Variants in KIAA1328 observed in about 807,000 individuals in gnomAD.
The protein encoded by KIAA1328 is protein hinderin.
KIAA1328 carries 52 observed loss-of-function variants against 68.1 expected under a neutral mutation model. The ratio of observed to expected loss-of-function variants is 0.76; its 90% confidence interval spans 0.61 to 0.96. The LOEUF is 0.96. Ranked by LOEUF, KIAA1328 falls within the 40% of genes least tolerant of loss-of-function variation. The pLI is 0.00. For missense variants in KIAA1328, 641 were observed against 677.6 expected, an observed-to-expected ratio of 0.95 and a Z score of 0.60; for synonymous variants, 232 against 239.4, an observed-to-expected ratio of 0.97 and a Z score of 0.28.
At chr18:37,095,498 A>G (rs2057379557) in intron 7 of KIAA1328, among the ~76,000 whole-genome samples, 1 of 152,210 alleles carries the variant, frequency 6.6e-6, no homozygotes, top group East Asian at 1.9e-4. Flanking sequence ...TCAATGAGGA[A>G]ATTAAGAAGG....
chr18:36,877,895 C>G (rs2048191576), intron 4 of KIAA1328, among the ~76,000 whole-genome samples: 1 of 151,940 alleles, frequency 6.6e-6, no homozygotes, highest in African/African-American at 2.4e-5. Flanking sequence ...TCTCGATCTC[C>G]TGACCTTGCG....
chr18:36,842,582 A>C (rs766863125), intron 3 of KIAA1328, among the ~76,000 whole-genome samples: 3 of 152,126 alleles, frequency 2.0e-5, no homozygotes, highest in Admixed American at 6.6e-5. Flanking sequence ...TCATTGTATC[A>C]ATATGCCAGC....
chr18:36,880,760 TC>T (rs1306479957), intron 4 of KIAA1328, among the ~76,000 whole-genome samples: 1 of 152,178 alleles, frequency 6.6e-6, no homozygotes, highest in East Asian at 1.9e-4. Context: ...TTTCTCCTGT[TC>T]CTAGGTTGTT....
In KIAA1328 at chr18:36,957,867, A is replaced by G. The variant is rs148352572; in HGVS notation, c.449-1441A>G. 2.9e-3 allele frequency among the ~76,000 whole-genome samples: 443 copies of G among 152,258 alleles called. 4 individuals carry two copies. The highest frequency in any genetic ancestry group is 0.019 in the Admixed American group (289 of 15,292). On this transcript the variant is annotated intron_variant, in intron 5 of 9. Transcript: ENST00000280020. ...ACTATATAATTAAATGGTTTTGAGT[A>G]TATTCCAAAAATGTGCAAACACCAC...
In KIAA1328 at chr18:37,064,656, A is replaced by G. The variant is rs546482351; in HGVS notation, c.577-2234A>G. ...TAAGGCTCTCGAGAGGGGGAAATTA[A>G]CTGTATTACCCAGGTAGGCCCAATC... On this transcript the variant is annotated intron_variant, in intron 6 of 9. Transcript: ENST00000280020. Among the ~76,000 whole-genome samples the G allele has an allele frequency of 1.4e-4, 21 of 151,806 alleles. 1 individual carries two copies. The South Asian group carries it at 4.2e-3, about 30-fold the overall frequency.
chr18:37,194,721 C>T (rs561656256), intron 9 of KIAA1328, among the ~76,000 whole-genome samples: 43 of 152,224 alleles, frequency 2.8e-4, no homozygotes, highest in African/African-American at 8.9e-4. Flanking sequence ...AGTGCAGTGG[C>T]GGGATCTCGG....
At chr18:36,897,531 T>C (rs1173745260) in intron 5 of KIAA1328, among the ~76,000 whole-genome samples, 1 of 151,592 alleles carries the variant, frequency 6.6e-6, no homozygotes, top group Non-Finnish European at 1.5e-5. Context: ...GAAATGGAGG[T>C]TGGATATAGT....
intron 6 of KIAA1328, among the ~76,000 whole-genome samples, chr18:37,060,680 T>C (rs1346900887): frequency 6.6e-6 from 1 of 152,234 alleles, no homozygotes; most frequent in Non-Finnish European, 1.5e-5. Context: ...TCATTACTTT[T>C]AATGGCAAAA....
chr18:36,945,901 A>C (rs2050881925), intron 5 of KIAA1328, among the ~76,000 whole-genome samples: 1 of 152,342 alleles, frequency 6.6e-6, no homozygotes, highest in South Asian at 2.1e-4. Flanking sequence ...AATATCCTGT[A>C]TCCAAAATTC....
At chr18:36,995,455 T>C (rs745657954) in intron 6 of KIAA1328, among the ~76,000 whole-genome samples, 12 of 152,160 alleles carry the variant, frequency 7.9e-5, no homozygotes, top group Non-Finnish European at 1.3e-4. Context: ...ACATTCAAAG[T>C]TTTGTTGGTA....
intron 7 of KIAA1328, among the ~76,000 whole-genome samples, chr18:37,111,902 G>T (rs1224854602): frequency 1.3e-5 from 2 of 152,200 alleles, no homozygotes; most frequent in Non-Finnish European, 2.9e-5. Flanking sequence ...AGGGTCCCAT[G>T]CCCACAGAGC....
At chr18:36,951,895 T>A (rs1245945368) in intron 5 of KIAA1328, among the ~76,000 whole-genome samples, 1 of 152,242 alleles carries the variant, frequency 6.6e-6, no homozygotes, top group Non-Finnish European at 1.5e-5. Flanking sequence ...TGGTTGCTTT[T>A]ATTCTAGTCT....
chr18:36,943,652 T>G lies in KIAA1328; in HGVS notation c.449-15656T>G, dbSNP rs540088652. ...TAGATAGAACTAGAAAACAAGTCAT[T>G]TGGGTGTTGGAAAACTGAATAATAC... On this transcript the variant is annotated intron_variant, in intron 5 of 9. Coordinates refer to ENST00000280020, the MANE Select transcript of KIAA1328 (RefSeq NM_020776.3). 3.3e-5 allele frequency among the ~76,000 whole-genome samples: 5 copies of G among 152,262 alleles called. No individual in the cohort carries two copies. The East Asian group carries it at 9.6e-4, about 29-fold the overall frequency.
intron 6 of KIAA1328, among the ~76,000 whole-genome samples, chr18:37,025,107 T>C (rs1470939345): frequency 6.6e-6 from 1 of 152,152 alleles, no homozygotes; most frequent in African/African-American, 2.4e-5. Flanking sequence ...GTGGTTTTGA[T>C]TGAATTTCTC....
Position 36,869,656 on chromosome 18 carries a change from A to G in KIAA1328, c.333-15901A>G, listed in dbSNP as rs2047878604. On this transcript the variant is annotated intron_variant, in intron 4 of 9. Transcript: ENST00000280020. ...TTTTCTCTTTCATAGTTTACTTTTT[A>G]TATGCCTGTTGTAGTGAATTTAGGC... 2.0e-5 allele frequency among the ~76,000 whole-genome samples: 3 copies of G among 152,284 alleles called. No individual in the cohort carries two copies. In the East Asian group the frequency reaches 5.8e-4, roughly 29 times the overall value.
At chr18:36,914,777 A>C (rs185671774) in intron 5 of KIAA1328, among the ~76,000 whole-genome samples, 32 of 152,248 alleles carry the variant, frequency 2.1e-4, no homozygotes, top group Non-Finnish European at 1.2e-4. Context: ...AAACATACAA[A>C]TATCTATCAC....
intron 7 of KIAA1328, among the ~76,000 whole-genome samples, chr18:37,134,783 G>A (rs1300213142): frequency 6.6e-6 from 1 of 152,112 alleles, no homozygotes; most frequent in African/African-American, 2.4e-5. Context: ...GCTGAGGTTT[G>A]GGGTACAAAT....
intron 1 of KIAA1328, among the ~76,000 whole-genome samples, chr18:36,829,726 C>CTTGG: frequency 1.3e-5 from 2 of 152,170 alleles, no homozygotes; most frequent in South Asian, 4.2e-4. Flanking sequence ...AGGTGTGGAG[C>CTTGG]TTGGTTACTG....
chr18:36,896,011 A>C (rs150362664), intron 5 of KIAA1328, among the ~76,000 whole-genome samples: 1 of 152,304 alleles, frequency 6.6e-6, no homozygotes, highest in East Asian at 1.9e-4. Context: ...CTGTTGTTTA[A>C]GCCTCCCAGT....
Sources: allele counts gnomAD v4.1 joint callset (sites outside exome capture counted in the v4.1 genomes callset), GRCh38; gene constraint gnomAD v4.1.1; transcripts MANE v1.5; gene names NCBI Gene and HGNC (gene_info 2026-07-23, HGNC 2026-07-21).